CNTN3: variants seen among roughly 807,000 people sequenced by gnomAD.
The protein encoded by CNTN3 is contactin-3.
CNTN3 carries 60 observed loss-of-function variants against 119.1 expected under a neutral mutation model. The observed-to-expected ratio is 0.50, with a 90% confidence interval of 0.41 to 0.62. CNTN3 has a LOEUF of 0.62. Ranked by LOEUF, CNTN3 falls within the 20% of genes least tolerant of loss-of-function variation. The pLI is 0.00. For missense variants in CNTN3, 1,101 were observed against 1,242.4 expected (o/e 0.89, Z 1.71); for synonymous variants, 450 against 438.7 (o/e 1.03, Z -0.32).
intron 13 of CNTN3, among the ~76,000 whole-genome samples, chr3:74,318,498 C>T (rs79940544): frequency 2.6e-5 from 4 of 152,100 alleles, no homozygotes; most frequent in South Asian, 2.1e-4. Context: ...ATGATGGTCA[C>T]GTACAGAGGG....
intron 4 of CNTN3, among the ~76,000 whole-genome samples, chr3:74,483,015 T>C (rs184001856): frequency 6.6e-6 from 1 of 152,230 alleles, no homozygotes; most frequent in East Asian, 1.9e-4. Context: ...AAACAACATT[T>C]TTTATCTTTC....
chr3:74,595,037 C>T (rs1489472313), intron 1 of CNTN3, among the ~76,000 whole-genome samples: 2 of 152,086 alleles, frequency 1.3e-5, no homozygotes, highest in African/African-American at 4.8e-5. Flanking sequence ...TTGCATTTCT[C>T]TGATGGCCAG....
intron 11 of CNTN3, among the ~76,000 whole-genome samples, chr3:74,344,191 A>C (rs946831625): frequency 3.3e-5 from 5 of 152,140 alleles, no homozygotes; most frequent in Non-Finnish European, 7.3e-5. Flanking sequence ...TGTTGTCTCA[A>C]CAAATATGAA....
chr3:74,293,482 C>T (rs1702275360), intron 19 of CNTN3, among the ~76,000 whole-genome samples: 1 of 152,080 alleles, frequency 6.6e-6, no homozygotes, highest in Non-Finnish European at 1.5e-5. Flanking sequence ...CTGGCTGCCC[C>T]CACTTTTTTT....
intron 17 of CNTN3, 48 bp from the exon 18 acceptor site, chr3:74,298,239 C>A (rs1702381626): frequency 8.3e-7 from 1 of 1,199,832 alleles, no homozygotes; most frequent in Non-Finnish European, 1.2e-6. Flanking sequence ...AAGGGCAAGG[C>A]AAAAATGAAT....
intron 4 of CNTN3, among the ~76,000 whole-genome samples, chr3:74,471,775 C>T (rs897304099): frequency 7.2e-5 from 11 of 152,056 alleles, no homozygotes; most frequent in Admixed American, 1.3e-4. Context: ...TTTCAGTTAC[C>T]GAAGATGGAT....
At chr3:74,395,463 C>T (rs1705023489) in intron 5 of CNTN3, among the ~76,000 whole-genome samples, 1 of 151,940 alleles carries the variant, frequency 6.6e-6, no homozygotes, top group Non-Finnish European at 1.5e-5. Flanking sequence ...CCAATGGGTA[C>T]CTATTTATAA....
At chr3:74,404,341 G>A (rs1705270090) in intron 5 of CNTN3, among the ~76,000 whole-genome samples, 1 of 152,048 alleles carries the variant, frequency 6.6e-6, no homozygotes, top group African/African-American at 2.4e-5. Context: ...TGTCAGGGAT[G>A]TCATACACAT....
intron 1 of CNTN3, among the ~76,000 whole-genome samples, chr3:74,560,627 G>C (rs1372087289): frequency 6.6e-6 from 1 of 152,050 alleles, no homozygotes; most frequent in Non-Finnish European, 1.5e-5. Context: ...GATTCCTCAA[G>C]GATCTAGAAC....
At chr3:74,299,494 C>T (rs913456999) in intron 17 of CNTN3, among the ~76,000 whole-genome samples, 1 of 152,196 alleles carries the variant, frequency 6.6e-6, no homozygotes, top group South Asian at 2.1e-4. Context: ...ACAGCCGCAA[C>T]ATAACTCATC....
intron 5 of CNTN3, among the ~76,000 whole-genome samples, chr3:74,389,598 A>T (rs1559577215): frequency 6.6e-6 from 1 of 152,136 alleles, no homozygotes; most frequent in Non-Finnish European, 1.5e-5. Context: ...GCACACCGAC[A>T]TCTCTTTTAA....
intron 5 of CNTN3, among the ~76,000 whole-genome samples, chr3:74,413,771 T>C (rs923047913): frequency 1.3e-4 from 20 of 152,120 alleles, no homozygotes; most frequent in Non-Finnish European, 4.4e-5. Flanking sequence ...CCTTTAACCC[T>C]GGTACCATTT....
chr3:74,507,899 T>C (rs1372383090), intron 2 of CNTN3, among the ~76,000 whole-genome samples: 4 of 152,102 alleles, frequency 2.6e-5, no homozygotes, highest in Admixed American at 2.0e-4. Context: ...CCCAAAGTGC[T>C]AGGATTATAG....
At chr3:74,300,823 C>T (rs1178009926) in intron 16 of CNTN3, among the ~76,000 whole-genome samples, 1 of 152,174 alleles carries the variant, frequency 6.6e-6, no homozygotes, top group East Asian at 1.9e-4. Flanking sequence ...ATGCTATGTA[C>T]ACTTTCTAGT....
At chr3:74,364,395 A>C in intron 10 of CNTN3, 72 bp downstream of exon 10, 9 of 1,442,568 alleles carry the variant, frequency 6.2e-6, no homozygotes, top group Non-Finnish European at 8.6e-6. Context: ...AAAAGTAAAT[A>C]TTACTGCTTC....
intron 1 of CNTN3, among the ~76,000 whole-genome samples, chr3:74,605,396 A>G (rs781192442): frequency 6.6e-6 from 1 of 152,108 alleles, no homozygotes; most frequent in Non-Finnish European, 1.5e-5. Context: ...GTATACAATA[A>G]ATATATATAA....
At chr3:74,439,370 G>A (rs1469811347) in intron 4 of CNTN3, among the ~76,000 whole-genome samples, 2 of 150,540 alleles carry the variant, frequency 1.3e-5, no homozygotes, top group Non-Finnish European at 3.0e-5. Flanking sequence ...AGCCAGGCGT[G>A]GTGGCACATG....
chr3:74,588,631 A>G (rs1005533601), intron 1 of CNTN3, among the ~76,000 whole-genome samples: 4 of 152,100 alleles, frequency 2.6e-5, no homozygotes, highest in Admixed American at 2.0e-4. Flanking sequence ...GAACCAAAAA[A>G]GAGCCCGCAT....
chr3:74,275,708 A>T (rs557025044), intron 20 of CNTN3, among the ~76,000 whole-genome samples: 1 of 152,244 alleles, frequency 6.6e-6, no homozygotes, highest in South Asian at 2.1e-4. Context: ...AAAAAATACA[A>T]TTTAAAACAT....
Sources: allele counts gnomAD v4.1 joint callset (sites outside exome capture counted in the v4.1 genomes callset), GRCh38; gene constraint gnomAD v4.1.1; transcripts MANE v1.5; gene names NCBI Gene and HGNC (gene_info 2026-07-23, HGNC 2026-07-21).